Variants in COL21A1 observed in about 807,000 individuals in gnomAD.
The protein encoded by COL21A1 is collagen type XXI alpha 1 chain.
COL21A1 carries 149 observed loss-of-function variants against 137.9 expected under a neutral mutation model. That is an observed-to-expected ratio of 1.08 (90% confidence interval 0.95 to 1.24). COL21A1 has a LOEUF of 1.24. Ranked by LOEUF, COL21A1 falls within the 50% of genes most tolerant of loss-of-function variation. COL21A1 has a pLI of 0.00. For synonymous variants in COL21A1, 456 were observed against 391.5 expected (o/e 1.16, Z -1.95); for missense variants, 1,167 against 1,158.4 (o/e 1.01, Z -0.11).
intron 1 of COL21A1, among the ~76,000 whole-genome samples, chr6:56,299,394 G>T (rs1764231771): frequency 6.6e-6 from 1 of 152,084 alleles, no homozygotes; most frequent in Non-Finnish European, 1.5e-5. Context: ...TGTGATTCAG[G>T]TCCATTGCAT....
chr6:56,079,812 A>G (rs184970331), intron 17 of COL21A1, among the ~76,000 whole-genome samples: 192 of 151,748 alleles, frequency 1.3e-3, no homozygotes, highest in African/African-American at 4.5e-3. Context: ...TGGATCTTCT[A>G]TGTCCAATTA....
chr6:56,263,577 A>G (rs1763332108), intron 1 of COL21A1, among the ~76,000 whole-genome samples: 2 of 152,238 alleles, frequency 1.3e-5, no homozygotes, highest in African/African-American at 4.8e-5. Context: ...TTCATTACAA[A>G]AGAAAGTCCC....
At chr6:56,379,314 G>A (rs573738625) in intron 1 of COL21A1, among the ~76,000 whole-genome samples, 1 of 152,208 alleles carries the variant, frequency 6.6e-6, no homozygotes, top group African/African-American at 2.4e-5. Context: ...TTTTGAGGAA[G>A]GTCAAAGAAA....
chr6:56,273,801 G>A (rs550233504), intron 1 of COL21A1, among the ~76,000 whole-genome samples: 1 of 152,274 alleles, frequency 6.6e-6, no homozygotes, highest in African/African-American at 2.4e-5. Context: ...AGAAGAACTG[G>A]TACCAATCAT....
At chr6:56,135,427 T>C (rs538319493) in intron 12 of COL21A1, among the ~76,000 whole-genome samples, 1 of 151,986 alleles carries the variant, frequency 6.6e-6, no homozygotes, top group South Asian at 2.1e-4. Context: ...TTCTAAACTA[T>C]ACAGGTGAAA....
At chr6:56,109,648 A>G (rs1313435022) in intron 16 of COL21A1, among the ~76,000 whole-genome samples, 4 of 151,962 alleles carry the variant, frequency 2.6e-5, no homozygotes. Flanking sequence ...AGTATCAATA[A>G]GAAATTATCA....
chr6:56,327,915 G>C (rs1765132566), intron 1 of COL21A1, among the ~76,000 whole-genome samples: 1 of 152,038 alleles, frequency 6.6e-6, no homozygotes, highest in Non-Finnish European at 1.5e-5. Context: ...ACCTGCAGCT[G>C]AGAAAAGTCA....
rs79858525 is a variant in COL21A1 at position 56,291,057 on chromosome 6, C to A, written c.-39+102914G>T. Among the ~76,000 whole-genome samples the A allele has an allele frequency of 7.7e-3, 1,175 of 152,192 alleles. 6 individuals are homozygous for A. Among genetic ancestry groups the A allele is most frequent in the Non-Finnish European group, 0.013 (856 of 68,026 alleles). On this transcript the variant is annotated intron_variant, in intron 1 of 28. Coordinates refer to the COL21A1 transcript ENST00000370819. ...GTCAGAAATGCAGAATCTTGGGCCCCACCTCAGACCTACTGCATCACTCAG... is the reference window on the plus strand; with the variant it reads ...GTCAGAAATGCAGAATCTTGGGCCCAACCTCAGACCTACTGCATCACTCAG...
At chr6:56,361,752 G>A (rs1581774521) in intron 1 of COL21A1, among the ~76,000 whole-genome samples, 1 of 151,998 alleles carries the variant, frequency 6.6e-6, no homozygotes, top group Non-Finnish European at 1.5e-5. Context: ...TGATGGCTGC[G>A]TATGTGCGTG....
In COL21A1 at chr6:56,101,483, G is replaced by A. The variant is rs560128738; in HGVS notation, c.1801C>T (p.Arg601Trp). Residue 601 changes from arginine to tryptophan, a missense_variant, in exon 17 of 30, where the codon CGG becomes TGG. By Grantham distance (101) the Arg-to-Trp change is moderately radical (BLOSUM62 -3). Coordinates refer to ENST00000244728, the MANE Select transcript of COL21A1 (RefSeq NM_030820.4). ...SPGAPGQDGT[R>W]GEPGIPGFPG... ...GAGAAGGTACTCACAGGCTCTCCCCGTGTTCCATCCTGCCCCGGAGCACCA... is the reference window on the plus strand; with the variant it reads ...GAGAAGGTACTCACAGGCTCTCCCCATGTTCCATCCTGCCCCGGAGCACCA... The A allele has an allele frequency of 3.6e-5, 57 of 1,594,770 alleles. No individual in the cohort carries two copies. Among genetic ancestry groups the A allele is most frequent in the Middle Eastern group, 1.6e-4 (1 of 6,062 alleles).
At chr6:56,137,872 G>A (rs1026735044) in intron 12 of COL21A1, among the ~76,000 whole-genome samples, 4 of 152,128 alleles carry the variant, frequency 2.6e-5, no homozygotes, top group Non-Finnish European at 4.4e-5. Flanking sequence ...TGAAAGATCA[G>A]GAGATAATCC....
intron 1 of COL21A1, among the ~76,000 whole-genome samples, chr6:56,378,360 T>A (rs940682544): frequency 2.6e-5 from 4 of 151,894 alleles, no homozygotes; most frequent in Non-Finnish European, 5.9e-5. Flanking sequence ...TGAAGATGAG[T>A]CCCAGGCCAG....
chr6:56,097,748 AT>A lies in COL21A1; in HGVS notation c.1812+3723del, dbSNP rs1178863211. 9.4e-4 allele frequency among the ~76,000 whole-genome samples: 121 copies of A among 129,296 alleles called. 3 individuals carry two copies. The highest frequency in any genetic ancestry group is 3.5e-3 in the African/African-American group (117 of 33,462). The allele number at this position is 129,296 out of a possible 152,430, so 84.8% of individuals were successfully genotyped here. A position where few individuals can be genotyped will look rare whatever the true frequency, so the allele number is the denominator to read the frequency against. ...ATCTTCTAAGCACTCCTCATTTTAT[AT>A]TTTTTATATATATATAAATATATAT... is the stretch of plus-strand genomic sequence containing the variant. On this transcript the variant is annotated intron_variant, in intron 17 of 29. Transcript: ENST00000244728.
intron 1 of COL21A1, among the ~76,000 whole-genome samples, chr6:56,186,303 T>A (rs1778295902): frequency 6.6e-6 from 1 of 152,198 alleles, no homozygotes; most frequent in South Asian, 2.1e-4. Context: ...CAAAATTTAA[T>A]ACTCATTTAT....
At position 56,112,685 on chromosome 6, in the gene COL21A1, TTC is replaced by T. The variant is rs1231518580; in HGVS notation, c.1759-11162_1759-11161del. ...AAGAAGTTTTTTTTTCTTTTCTTTTTTCTTTTTTTTTTTTTTGAGACGGAGTT... is the reference window on the plus strand; with the variant it reads ...AAGAAGTTTTTTTTTCTTTTCTTTTTTTTTTTTTTTTTTTGAGACGGAGTT... On this transcript the variant is annotated intron_variant, in intron 16 of 29. Coordinates refer to ENST00000244728, the MANE Select transcript of COL21A1 (RefSeq NM_030820.4). Among the ~76,000 whole-genome samples, 34 of 138,922 alleles carry T rather than the reference TTC, an allele frequency of 2.4e-4. 7 individuals are homozygous for T. The highest frequency in any genetic ancestry group is 5.1e-4 in the Admixed American group (7 of 13,768). The allele number at this position is 138,922 out of a possible 152,430, so 91.1% of individuals were successfully genotyped here.
At chr6:56,289,920 G>A (rs1047044770) in intron 1 of COL21A1, among the ~76,000 whole-genome samples, 2 of 152,052 alleles carry the variant, frequency 1.3e-5, no homozygotes, top group African/African-American at 2.4e-5. Flanking sequence ...CACTGGGCTG[G>A]GCAGTTATCT....
intron 1 of COL21A1, among the ~76,000 whole-genome samples, chr6:56,209,864 T>C (rs1162809752): frequency 6.6e-6 from 1 of 152,214 alleles, no homozygotes; most frequent in African/African-American, 2.4e-5. Flanking sequence ...TAGCAAAGAC[T>C]TGGAGTCAAC....
intron 1 of COL21A1, among the ~76,000 whole-genome samples, chr6:56,230,619 TA>T (rs914807275): frequency 4.6e-5 from 7 of 151,916 alleles, no homozygotes; most frequent in African/African-American, 1.4e-4. Context: ...TCAGCCTTAT[TA>T]TTTTTTGATG....
rs148865203 is a variant in COL21A1 at position 56,097,058 on chromosome 6, G to A, written c.1812+4414C>T. Among the ~76,000 whole-genome samples the A allele has an allele frequency of 1.6e-3, 249 of 152,098 alleles. 2 individuals are homozygous for A. Among genetic ancestry groups the A allele is most frequent in the African/African-American group, 5.9e-3 (244 of 41,510 alleles). ...TTACGCTATCTGTTCTTATTTGGAA[G>A]AAAATACAGACCAGAAGAATTGTTT... On this transcript the variant is annotated intron_variant, in intron 17 of 29. Coordinates refer to ENST00000244728, the MANE Select transcript of COL21A1 (RefSeq NM_030820.4).
Sources: gnomAD v4.1 joint callset for allele counts (sites outside exome capture counted in the v4.1 genomes callset) on GRCh38, gnomAD v4.1.1 for gene constraint, MANE v1.5 for transcripts, NCBI Gene and HGNC (gene_info 2026-07-23, HGNC 2026-07-21) for gene names.